ZNF704: variants seen among roughly 807,000 people sequenced by gnomAD.
ZNF704 encodes the protein glucocorticoid induced gene 1.
Under a neutral mutation model 44.7 loss-of-function variants are expected in ZNF704, and 10 were observed. That is an observed-to-expected ratio of 0.22 (90% CI 0.14 to 0.38). ZNF704 has a LOEUF of 0.38. ZNF704 is among the 10% of genes least tolerant of loss of function. ZNF704 has a pLI of 1.00. For synonymous variants in ZNF704, 211 were observed against 207.6 expected (o/e 1.02, Z -0.14); for missense variants, 390 against 545.5 (o/e 0.71, Z 2.84).
chr8:80,644,514 T>G (rs956047949), intron 7 of ZNF704, among the ~76,000 whole-genome samples: 4 of 152,166 alleles, frequency 2.6e-5, no homozygotes, highest in African/African-American at 9.7e-5. Context: ...ACAGATTTCT[T>G]GAATAAAATG....
chr8:80,664,799 G>C lies in ZNF704; in HGVS notation c.927+16C>G. 6.2e-7 allele frequency: 1 copy of C among 1,613,616 alleles called. No individual in the cohort carries two copies. The highest frequency in any genetic ancestry group is 8.5e-7 in the Non-Finnish European group (1 of 1,179,524). ...CAAGGTCAAAGTGATTGCTCTCACAGTCCCCTGCAAGTCACCTGGTAAGCA... is the reference window on the plus strand; with the variant it reads ...CAAGGTCAAAGTGATTGCTCTCACACTCCCCTGCAAGTCACCTGGTAAGCA... On this transcript the variant is annotated intron_variant, in intron 6 of 8. Coordinates refer to ENST00000327835, the MANE Select transcript of ZNF704 (RefSeq NM_001033723.3).
chr8:80,780,723 C>G (rs1266731543), intron 2 of ZNF704, among the ~76,000 whole-genome samples: 1 of 152,028 alleles, frequency 6.6e-6, no homozygotes, highest in African/African-American at 2.4e-5. Flanking sequence ...GAGGTACTAA[C>G]AAGTCAAGAG....
At chr8:80,686,783 A>G (rs1435930754) in intron 4 of ZNF704, among the ~76,000 whole-genome samples, 6 of 152,192 alleles carry the variant, frequency 3.9e-5, no homozygotes, top group African/African-American at 1.4e-4. Context: ...TATTTCACAG[A>G]TGACTGCATA....
At chr8:80,860,889 G>T (rs1309068433) in intron 1 of ZNF704, among the ~76,000 whole-genome samples, 1 of 152,176 alleles carries the variant, frequency 6.6e-6, no homozygotes, top group East Asian at 1.9e-4. Context: ...TTTACTGCTG[G>T]ATTTGTATGG....
chr8:80,830,753 C>CTTTTT (rs772059759), intron 1 of ZNF704, among the ~76,000 whole-genome samples: 85 of 89,052 alleles, frequency 9.5e-4, no homozygotes, highest in Non-Finnish European at 1.3e-3. Flanking sequence ...GTGTTTCTTT[C>CTTTTT]TTTTTTTTTT....
upstream of ZNF704, among the ~76,000 whole-genome samples, chr8:80,875,476 G>C (rs900833429): frequency 6.6e-6 from 1 of 152,032 alleles, no homozygotes; most frequent in East Asian, 1.9e-4. Context: ...TGCTAATTTT[G>C]TATTTTTCGT....
intron 1 of ZNF704, among the ~76,000 whole-genome samples, chr8:80,835,799 T>C (rs1424415180): frequency 6.6e-6 from 1 of 152,244 alleles, no homozygotes; most frequent in Non-Finnish European, 1.5e-5. Context: ...GAATTTCAAA[T>C]ATCACATTAG....
At chr8:80,867,602 ATT>A (rs1809177927) in intron 1 of ZNF704, among the ~76,000 whole-genome samples, 1 of 152,188 alleles carries the variant, frequency 6.6e-6, no homozygotes, top group Non-Finnish European at 1.5e-5. Flanking sequence ...GCAGTCCACG[ATT>A]CAATGAATGA....
intron 2 of ZNF704, among the ~76,000 whole-genome samples, chr8:80,711,067 T>A (rs1818978390): frequency 6.6e-6 from 1 of 152,082 alleles, no homozygotes; most frequent in African/African-American, 2.4e-5. Flanking sequence ...CTGGGTGAGC[T>A]TGGGGTATGC....
intron 6 of ZNF704, among the ~76,000 whole-genome samples, chr8:80,664,561 T>C (rs1404132000): frequency 6.6e-6 from 1 of 152,210 alleles, no homozygotes; most frequent in Admixed American, 6.5e-5. Flanking sequence ...CGTGAGCCAC[T>C]GTGCCCAAGG....
chr8:80,853,876 A>G (rs896943691), intron 1 of ZNF704, among the ~76,000 whole-genome samples: 3 of 152,192 alleles, frequency 2.0e-5, no homozygotes, highest in African/African-American at 7.2e-5. Flanking sequence ...AGTCACTGGG[A>G]AACAAGAGGT....
chr8:80,642,895 C>G (rs941913354), intron 8 of ZNF704, 140 bp downstream of exon 8: 2 of 489,520 alleles, frequency 4.1e-6, no homozygotes, highest in Non-Finnish European at 3.4e-6. Flanking sequence ...ATGGTAAAAA[C>G]CATGGGAAAA....
At chr8:80,644,891 AC>A (rs1341513880) in intron 7 of ZNF704, 5 of 818,760 alleles carry the variant, frequency 6.1e-6, no homozygotes, top group Admixed American at 1.9e-5. Flanking sequence ...GGAAGTAAGG[AC>A]AGCTGTGTAA....
intron 7 of ZNF704, among the ~76,000 whole-genome samples, chr8:80,655,047 T>G (rs535924670): frequency 1.3e-5 from 2 of 152,146 alleles, no homozygotes; most frequent in Non-Finnish European, 2.9e-5. Context: ...TGTAGGGACA[T>G]GGATGAAGCT....
intron 1 of ZNF704, among the ~76,000 whole-genome samples, chr8:80,833,388 A>T (rs900829592): frequency 5.9e-5 from 9 of 152,216 alleles, no homozygotes; most frequent in African/African-American, 9.7e-5. Flanking sequence ...GATCATGTTC[A>T]AAGAAAGACC....
chr8:80,648,890 G>A (rs1234500815), intron 7 of ZNF704, among the ~76,000 whole-genome samples: 1 of 152,156 alleles, frequency 6.6e-6, no homozygotes, highest in Admixed American at 6.5e-5. Flanking sequence ...ACTCACTTCC[G>A]AATGATGTCA....
intron 2 of ZNF704, among the ~76,000 whole-genome samples, chr8:80,754,274 G>C (rs1806998572): frequency 6.6e-6 from 1 of 152,122 alleles, no homozygotes; most frequent in Admixed American, 6.5e-5. Context: ...ACACCAAGCA[G>C]GACAGCCATT....
chr8:80,790,402 A>G (rs1176924129), intron 2 of ZNF704, among the ~76,000 whole-genome samples: 1 of 152,200 alleles, frequency 6.6e-6, no homozygotes, highest in Non-Finnish European at 1.5e-5. Flanking sequence ...AGGATGAGTT[A>G]GGAATGCCTG....
At position 80,632,012 on chromosome 8, in the gene ZNF704, A is replaced by T. The variant is rs1461358829; in HGVS notation, c.*9354T>A. The T allele has an allele frequency of 6.6e-6, 1 of 152,246 alleles. No individual in the cohort carries two copies. Among genetic ancestry groups the T allele is most frequent in the Non-Finnish European group, 1.5e-5 (1 of 68,048 alleles). The allele number at this position is 152,246 out of a possible 1,614,324, so 9.4% of individuals were successfully genotyped here. On this transcript the variant is annotated 3_prime_UTR_variant, in exon 9 of 9. Transcript: ENST00000327835. The stretch of plus-strand genomic sequence containing the variant: ...AAGGGGAGGGTAATCTTTCAATGGC[A>T]AATTCACTGGGGCTTGCCAAGATGG...
Sources: allele counts gnomAD v4.1 joint callset (sites outside exome capture counted in the v4.1 genomes callset), GRCh38; gene constraint gnomAD v4.1.1; transcripts MANE v1.5; gene names NCBI Gene and HGNC (gene_info 2026-07-23, HGNC 2026-07-21).